The following DCHS2 variants were observed in gnomAD, a reference collection of about 807,000 sequenced individuals.
DCHS2 encodes the protein dachsous cadherin-related 2.
A neutral mutation model predicts 182.4 loss-of-function variants in DCHS2; 142 were observed. That is an observed-to-expected ratio of 0.78 (90% CI 0.68 to 0.89). The LOEUF (loss-of-function observed/expected upper bound fraction) is 0.89, where lower values mean the gene tolerates loss of function less well. DCHS2 is among the 40% of genes least tolerant of loss of function. The probability of loss-of-function intolerance (pLI) is 0.00; values close to 1 mark genes in which losing one functional copy is unlikely to be tolerated. For synonymous variants in DCHS2, 1,740 were observed against 1,663.3 expected, an observed-to-expected ratio of 1.05 and a Z score of -1.12; for missense variants, 4,319 against 4,198.6, an observed-to-expected ratio of 1.03 and a Z score of -0.79.
chr4:154,340,770 A>T (rs747427436), intron 3 of DCHS2, among the ~76,000 whole-genome samples: 1 of 152,246 alleles, frequency 6.6e-6, no homozygotes, highest in South Asian at 2.1e-4. Flanking sequence ...CATGACATCA[A>T]TTATAGAGAG....
intron 3 of DCHS2, among the ~76,000 whole-genome samples, chr4:154,336,482 G>T (rs1471911990): frequency 6.6e-6 from 1 of 152,180 alleles, no homozygotes; most frequent in Non-Finnish European, 1.5e-5. Flanking sequence ...ATAACAATTA[G>T]TTAATGAATG....
intron 1 of DCHS2, among the ~76,000 whole-genome samples, chr4:154,401,441 A>G (rs1283726075): frequency 6.6e-6 from 1 of 152,214 alleles, no homozygotes; most frequent in Non-Finnish European, 1.5e-5. Context: ...AGAAACTACC[A>G]AAACACTTCT....
chr4:154,434,476 A>G (rs146972787), intron 1 of DCHS2, among the ~76,000 whole-genome samples: 2 of 152,330 alleles, frequency 1.3e-5, no homozygotes, highest in African/African-American at 2.4e-5. Flanking sequence ...TAAATTATAC[A>G]TATTGAAGTA....
At chr4:154,412,859 C>T (rs1732686511) in intron 1 of DCHS2, among the ~76,000 whole-genome samples, 2 of 152,172 alleles carry the variant, frequency 1.3e-5, no homozygotes, top group Non-Finnish European at 2.9e-5. Context: ...AAGTAGAAAA[C>T]ATGGTCTTGT....
intron 13 of DCHS2, among the ~76,000 whole-genome samples, chr4:154,287,844 C>A (rs1364680807): frequency 6.6e-6 from 1 of 151,952 alleles, no homozygotes; most frequent in Non-Finnish European, 1.5e-5. Flanking sequence ...GCATTCGGTG[C>A]CAAGTTATCA....
intron 14 of DCHS2, chr4:154,269,360 T>A (rs569033529): frequency 5.2e-5 from 8 of 152,572 alleles, no homozygotes; most frequent in African/African-American, 1.9e-4. Context: ...AAAAAAGGTA[T>A]GTTTGAAGTA....
At chr4:154,413,181 T>C (rs1732699794) in intron 1 of DCHS2, among the ~76,000 whole-genome samples, 1 of 152,200 alleles carries the variant, frequency 6.6e-6, no homozygotes, top group African/African-American at 2.4e-5. Flanking sequence ...CATGACATTT[T>C]GTATTCCTGG....
At position 154,332,605 on chromosome 4, in the gene DCHS2, T is replaced by C. The variant is rs775965055; in HGVS notation, c.3603A>G (p.Glu1201=). ...TTACCCCTTGGGGAACAGGGCTCTC[T>C]TCGACTTTCAAAAACAACACATCAT... is the stretch of plus-strand genomic sequence containing the variant. ...FLHDVLFLKV[E]ESPVPQGVIG... Residue 1201 remains glutamate, a synonymous_variant, in exon 5 of 20, where the codon GAA becomes GAG. Transcript: ENST00000357232. 11 of 1,614,080 alleles carry C rather than the reference T, an allele frequency of 6.8e-6. No homozygotes were observed.
intron 1 of DCHS2, among the ~76,000 whole-genome samples, chr4:154,424,692 A>G (rs1248096359): frequency 6.6e-6 from 1 of 152,220 alleles, no homozygotes; most frequent in South Asian, 2.1e-4. Context: ...CAGAAACCTT[A>G]TAGGGTCTCA....
Position 154,236,641 on chromosome 4 carries a change from G to A in DCHS2, c.8011C>T (p.His2671Tyr). Residue 2671 changes from histidine (H) to tyrosine (Y), a missense_variant, in exon 20 of 20, where the codon CAC becomes TAC. Transcript: ENST00000357232. ...GGGGTGCTTTCCTTGACATGGGTGTGATAGCTCAGGCTGCTGAAGTTTGGG... is the reference window on the plus strand; with the variant it reads ...GGGGTGCTTTCCTTGACATGGGTGTAATAGCTCAGGCTGCTGAAGTTTGGG... The part of the protein sequence containing the change: ...NPPNFSSLSY[H>Y]THVKESTPLG... The A allele has an allele frequency of 6.2e-7, 1 of 1,614,042 alleles. No individual in the cohort carries two copies. The highest frequency in any genetic ancestry group is 8.5e-7 in the Non-Finnish European group (1 of 1,179,948).
In DCHS2 at chr4:154,315,928, C is replaced by T. The variant is rs954880214; in HGVS notation, c.5080G>A (p.Val1694Ile). 29 of 1,613,866 alleles carry T rather than the reference C, an allele frequency of 1.8e-5. No homozygotes were observed. The highest frequency in any genetic ancestry group is 2.3e-5 in the Non-Finnish European group (27 of 1,179,988). Residue 1694 changes from valine (V) to isoleucine (I), a missense_variant, in exon 10 of 20, where the codon GTT becomes ATT. By Grantham distance (29) the Val-to-Ile change is conservative. Transcript: ENST00000357232. ...YEMKTQHILT[V>I]LALDDGTPAL... ...GGTGTGCCATCATCCAGTGCCAGAA[C>T]AGTCAGAATATGCTGAGTTTTCATT...
chr4:154,332,792 G>A lies in DCHS2; in HGVS notation c.3416C>T (p.Thr1139Met), dbSNP rs1427915046. 2 of 1,614,228 alleles carry A rather than the reference G, an allele frequency of 1.2e-6. No individual in the cohort carries two copies. The highest frequency in any genetic ancestry group is 1.7e-6 in the Non-Finnish European group (2 of 1,180,040). ...DSAMFGIRPY[T>M]GWIYLRRQFD... ...CTGTCGCCGCAAATAAATCCAGCCCGTGTAAGGGCGGATTCCAAACATAGC... is the reference window on the plus strand; with the variant it reads ...CTGTCGCCGCAAATAAATCCAGCCCATGTAAGGGCGGATTCCAAACATAGC... Residue 1139 changes from threonine (T) to methionine (M), a missense_variant, in exon 5 of 20, where the codon ACG (threonine) becomes ATG (methionine). By Grantham distance (81) the Thr-to-Met change is moderately conservative. Coordinates refer to ENST00000357232, the MANE Select transcript of DCHS2 (RefSeq NM_001358235.2).
chr4:154,237,110 T>C lies in DCHS2; in HGVS notation c.7542A>G (p.Thr2514=). The C allele has an allele frequency of 6.2e-7, 1 of 1,613,642 alleles. No individual in the cohort carries two copies. The highest frequency in any genetic ancestry group is 8.5e-7 in the Non-Finnish European group (1 of 1,179,838). The change falls in exon 20 of 20, where the codon ACA becomes ACG. Residue 2514 remains threonine, a synonymous_variant. Coordinates refer to ENST00000357232, the MANE Select transcript of DCHS2 (RefSeq NM_001358235.2). ...CACTGGCTTCCACAAGAAATTGAGT[T>C]GTTGATATTGTATCCAGAAGTAATA... ...SPVLLLDTIS[T]TQFLVEASDG...
intron 3 of DCHS2, among the ~76,000 whole-genome samples, chr4:154,340,115 TG>T (rs36122907): frequency 0.14 from 21,028 of 152,166 alleles, 1,770 homozygotes; most frequent in Admixed American, 0.26. Context: ...GAAGGAAACT[TG>T]TAAACTATAG....
intron 1 of DCHS2, among the ~76,000 whole-genome samples, chr4:154,406,760 C>T (rs1189546677): frequency 6.6e-6 from 1 of 152,196 alleles, no homozygotes; most frequent in Admixed American, 6.5e-5. Context: ...ATCCTACCTT[C>T]CTTTCTTCTT....
At chr4:154,476,366 T>C (rs745517434) in intron 1 of DCHS2, among the ~76,000 whole-genome samples, 1 of 152,152 alleles carries the variant, frequency 6.6e-6, no homozygotes, top group Non-Finnish European at 1.5e-5. Context: ...CAGACAAAGA[T>C]CATGTTTTTT....
intron 3 of DCHS2, among the ~76,000 whole-genome samples, chr4:154,356,245 GA>G (rs1276459431): frequency 6.6e-6 from 1 of 152,010 alleles, no homozygotes; most frequent in South Asian, 2.1e-4. Flanking sequence ...TAAAAACAAA[GA>G]AAAGCTTATA....
At chr4:154,369,517 A>G (rs559621461) in intron 2 of DCHS2, among the ~76,000 whole-genome samples, 2 of 152,328 alleles carry the variant, frequency 1.3e-5, no homozygotes, top group Admixed American at 6.5e-5. Flanking sequence ...TGTCCAGCTC[A>G]TGGAAACTGT....
chr4:154,426,239 G>A (rs960113232), intron 1 of DCHS2, among the ~76,000 whole-genome samples: 4 of 152,052 alleles, frequency 2.6e-5, no homozygotes, highest in African/African-American at 2.4e-5. Context: ...TCATTTTATC[G>A]CATCTAAAAA....
Sources: allele counts gnomAD v4.1 joint callset (sites outside exome capture counted in the v4.1 genomes callset), GRCh38; gene constraint gnomAD v4.1.1; transcripts MANE v1.5; gene names NCBI Gene and HGNC (gene_info 2026-07-23, HGNC 2026-07-21).